Variants in BCAR3 observed in about 807,000 individuals in gnomAD.
BCAR3 encodes breast cancer anti-estrogen resistance protein 3.
In BCAR3, 37 loss-of-function variants were observed where a neutral mutation model predicts 80.1. That is an observed-to-expected ratio of 0.46 (90% CI 0.36 to 0.61). The LOEUF is 0.61. Among genes scored for constraint, BCAR3 ranks in the 20% least tolerant of loss-of-function variants. BCAR3 has a pLI of 0.00. For synonymous variants in BCAR3, 389 were observed against 418.9 expected (o/e 0.93, Z 0.87); for missense variants, 978 against 1,068.2 (o/e 0.92, Z 1.18).
At chr1:93,713,531 C>T (rs142527492) in intron 2 of BCAR3, among the ~76,000 whole-genome samples, 26 of 152,270 alleles carry the variant, frequency 1.7e-4, no homozygotes, top group African/African-American at 6.3e-4. Flanking sequence ...GTGAAATGTG[C>T]TCATTTCAGG....
At chr1:93,641,202 A>G (rs1675966995) in intron 3 of BCAR3, among the ~76,000 whole-genome samples, 1 of 152,176 alleles carries the variant, frequency 6.6e-6, no homozygotes, top group Non-Finnish European at 1.5e-5. Context: ...AAACCTCACT[A>G]CGACCGCCCC....
chr1:93,697,210 A>G (rs751388820), intron 3 of BCAR3, among the ~76,000 whole-genome samples: 3 of 152,254 alleles, frequency 2.0e-5, no homozygotes, highest in Non-Finnish European at 4.4e-5. Context: ...AGGGATGTGC[A>G]TGTGAGTTTA....
intron 2 of BCAR3, among the ~76,000 whole-genome samples, chr1:93,790,634 A>ATTCTTT (rs1234204229): frequency 0.069 from 7,294 of 106,316 alleles, 426 homozygotes; most frequent in African/African-American, 0.16. Flanking sequence ...TTTTGTATTC[A>ATTCTTT]TTTTTTTTTT....
At chr1:93,665,454 A>G (rs147741182) in intron 2 of BCAR3, among the ~76,000 whole-genome samples, 4 of 151,728 alleles carry the variant, frequency 2.6e-5, no homozygotes, top group Non-Finnish European at 5.9e-5. Context: ...ATCTATCCAT[A>G]TCCTATCTTA....
At chr1:93,579,604 C>T (rs1337092309) in intron 7 of BCAR3, among the ~76,000 whole-genome samples, 1 of 152,184 alleles carries the variant, frequency 6.6e-6, no homozygotes, top group Non-Finnish European at 1.5e-5. Flanking sequence ...AGTTTCATGG[C>T]TACCAAAGGT....
chr1:93,796,527 G>A (rs974587460), intron 2 of BCAR3, among the ~76,000 whole-genome samples: 14 of 150,544 alleles, frequency 9.3e-5, no homozygotes, highest in Admixed American at 3.3e-4. Context: ...CGCACGGTGC[G>A]CGCACACACT....
intron 3 of BCAR3, among the ~76,000 whole-genome samples, chr1:93,606,702 G>A (rs887521977): frequency 2.6e-5 from 4 of 152,120 alleles, no homozygotes; most frequent in Admixed American, 2.6e-4. Flanking sequence ...CAGTATAGAG[G>A]GGTATTCTAT....
intron 8 of BCAR3, among the ~76,000 whole-genome samples, chr1:93,573,609 T>TTTTTTTTTATTATTA (rs760911546): frequency 1.4e-5 from 2 of 142,810 alleles, no homozygotes; most frequent in African/African-American, 5.4e-5. Flanking sequence ...AAAATATATT[T>TTTTTTTTTATTATTA]TTATTATTAT....
intron 3 of BCAR3, among the ~76,000 whole-genome samples, chr1:93,600,105 C>T (rs1674573218): frequency 6.6e-6 from 1 of 152,214 alleles, no homozygotes; most frequent in African/African-American, 2.4e-5. Flanking sequence ...AACTCCTCTC[C>T]CACCACACAC....
intron 3 of BCAR3, among the ~76,000 whole-genome samples, chr1:93,615,286 G>C (rs192205107): frequency 8.5e-5 from 13 of 152,270 alleles, no homozygotes; most frequent in African/African-American, 2.6e-4. Flanking sequence ...CTTTGGACTA[G>C]GTCAAGTCTG....
chr1:93,838,933 A>AG (rs1557705875), intron 2 of BCAR3, among the ~76,000 whole-genome samples: 2 of 152,250 alleles, frequency 1.3e-5, no homozygotes, highest in Non-Finnish European at 2.9e-5. Flanking sequence ...TGTCCTTCAG[A>AG]TGAACTGGGA....
intron 11 of BCAR3, among the ~76,000 whole-genome samples, chr1:93,563,741 G>T (rs957567645): frequency 2.6e-5 from 4 of 152,046 alleles, no homozygotes. Flanking sequence ...TGCCCAGGCT[G>T]GAGTGCAGTG....
chr1:93,844,688 G>A (rs1381703183), intron 2 of BCAR3, among the ~76,000 whole-genome samples: 1 of 151,440 alleles, frequency 6.6e-6, no homozygotes, highest in East Asian at 1.9e-4. Context: ...GACCTTGTTT[G>A]GCTGTGACTT....
chr1:93,596,434 T>G (rs1434729199), intron 3 of BCAR3, among the ~76,000 whole-genome samples: 1 of 152,190 alleles, frequency 6.6e-6, no homozygotes, highest in African/African-American at 2.4e-5. Flanking sequence ...CTGAACTCAA[T>G]GTGCTTTAAA....
At chr1:93,845,502 A>ATATATATATATAATGTCAAG in intron 2 of BCAR3, 1 of 113,822 alleles carries the variant, frequency 8.8e-6, no homozygotes, top group Admixed American at 9.5e-5. Flanking sequence ...ATATATATAT[A>ATATATATATATAATGTCAAG]AAACTTTGTT....
intron 3 of BCAR3, among the ~76,000 whole-genome samples, chr1:93,638,650 C>T (rs962181476): frequency 3.3e-5 from 5 of 152,048 alleles, no homozygotes; most frequent in Admixed American, 1.3e-4. Flanking sequence ...GAGCTGTACG[C>T]CAGGAACCGA....
intron 3 of BCAR3, among the ~76,000 whole-genome samples, chr1:93,691,515 C>T (rs1649187660): frequency 6.6e-6 from 1 of 152,212 alleles, no homozygotes; most frequent in Non-Finnish European, 1.5e-5. Context: ...ACAATCCACC[C>T]TGCAAGAGAC....
chr1:93,809,998 C>T (rs969961132), intron 2 of BCAR3, among the ~76,000 whole-genome samples: 11 of 151,478 alleles, frequency 7.3e-5, no homozygotes, highest in East Asian at 3.9e-4. Context: ...GTCAGGAGTT[C>T]GAGACCAGCC....
intron 1 of BCAR3, among the ~76,000 whole-genome samples, chr1:93,677,122 A>C (rs1363315099): frequency 6.6e-6 from 1 of 152,174 alleles, no homozygotes; most frequent in African/African-American, 2.4e-5. Flanking sequence ...CTGACTATGA[A>C]CTCTAAGAGA....
Sources: allele counts gnomAD v4.1 joint callset (sites outside exome capture counted in the v4.1 genomes callset), GRCh38; gene constraint gnomAD v4.1.1; transcripts MANE v1.5; gene names NCBI Gene and HGNC (gene_info 2026-07-23, HGNC 2026-07-21).